Variants in EDIL3 observed in about 807,000 individuals in gnomAD.
EDIL3 encodes the protein EGF like and discoidin domains 3.
EDIL3 carries 37 observed loss-of-function variants against 67.4 expected under a neutral mutation model. The observed-to-expected ratio is 0.55, with a 90% confidence interval of 0.42 to 0.72. EDIL3 has a LOEUF of 0.72. Ranked by LOEUF, EDIL3 falls within the 30% of genes least tolerant of loss-of-function variation. The pLI is 0.00. For missense variants in EDIL3, 527 were observed against 586.3 expected (o/e 0.90, Z 1.04); for synonymous variants, 195 against 196.3 (o/e 0.99, Z 0.05).
chr5:84,101,694 A>T (rs1208399546), intron 6 of EDIL3, among the ~76,000 whole-genome samples: 1 of 152,038 alleles, frequency 6.6e-6, no homozygotes, highest in Non-Finnish European at 1.5e-5. Context: ...TACCAACCAA[A>T]AAGAGCCCAG....
chr5:84,366,280 A>G (rs932291988), intron 1 of EDIL3, among the ~76,000 whole-genome samples: 1 of 152,138 alleles, frequency 6.6e-6, no homozygotes, highest in Non-Finnish European at 1.5e-5. Flanking sequence ...CATCATCATC[A>G]TGATCATCAT....
intron 9 of EDIL3, among the ~76,000 whole-genome samples, chr5:84,059,203 T>C (rs1746499626): frequency 6.6e-6 from 1 of 151,646 alleles, no homozygotes; most frequent in East Asian, 1.9e-4. Flanking sequence ...GAGTTCGAGA[T>C]TGGCTTGAGC....
chr5:84,062,730 A>G (rs1580306944), intron 8 of EDIL3, among the ~76,000 whole-genome samples: 1 of 152,142 alleles, frequency 6.6e-6, no homozygotes, highest in African/African-American at 2.4e-5. Flanking sequence ...ACTGAATACA[A>G]TAAGGCTTTA....
chr5:84,171,564 A>G (rs989277980), intron 4 of EDIL3, among the ~76,000 whole-genome samples: 10 of 152,178 alleles, frequency 6.6e-5, no homozygotes, highest in African/African-American at 2.2e-4. Context: ...GATTCTTTTA[A>G]TCATTTTGGG....
At chr5:84,358,351 C>A (rs1038289412) in intron 1 of EDIL3, among the ~76,000 whole-genome samples, 1 of 152,152 alleles carries the variant, frequency 6.6e-6, no homozygotes, top group Admixed American at 6.5e-5. Flanking sequence ...TCAGGTAATT[C>A]AGCCTACACA....
intron 9 of EDIL3, among the ~76,000 whole-genome samples, chr5:83,970,092 T>C (rs1744764727): frequency 1.3e-5 from 2 of 151,714 alleles, no homozygotes; most frequent in Non-Finnish European, 3.0e-5. Flanking sequence ...TACTTTTTAC[T>C]TCTATGAGAT....
At chr5:84,132,458 G>A (rs856438) in intron 5 of EDIL3, among the ~76,000 whole-genome samples, 930 of 4,146 alleles carry the variant, frequency 0.22, 28 homozygotes, top group South Asian at 0.44. Context: ...CATATATTAT[G>A]TATTTTATAT....
chr5:83,982,090 C>G (rs1223184706), intron 9 of EDIL3, among the ~76,000 whole-genome samples: 3 of 151,244 alleles, frequency 2.0e-5, no homozygotes, highest in Non-Finnish European at 4.4e-5. Flanking sequence ...TAAGTTTTAC[C>G]AAAAAAAATC....
intron 9 of EDIL3, among the ~76,000 whole-genome samples, chr5:83,991,750 T>C (rs992016103): frequency 6.6e-6 from 1 of 152,192 alleles, no homozygotes; most frequent in African/African-American, 2.4e-5. Flanking sequence ...GACATATCCA[T>C]GGACTACATG....
chr5:84,207,353 C>G (rs1380604615), intron 3 of EDIL3, among the ~76,000 whole-genome samples: 1 of 152,078 alleles, frequency 6.6e-6, no homozygotes, highest in Admixed American at 6.6e-5. Flanking sequence ...CGTGAAGGAC[C>G]TCTTCAAGGA....
intron 9 of EDIL3, among the ~76,000 whole-genome samples, chr5:84,053,616 T>A (rs569634310): frequency 4.6e-5 from 7 of 152,150 alleles, no homozygotes; most frequent in Admixed American, 2.6e-4. Flanking sequence ...ATAAAAATGA[T>A]AAAGGGGATA....
chr5:83,989,454 G>C (rs536006755), intron 9 of EDIL3, among the ~76,000 whole-genome samples: 18 of 152,162 alleles, frequency 1.2e-4, no homozygotes, highest in Non-Finnish European at 2.2e-4. Flanking sequence ...TCGCTTTGCT[G>C]GTTCTGTCTC....
chr5:84,280,449 T>C (rs192184220), intron 1 of EDIL3, among the ~76,000 whole-genome samples: 275 of 152,318 alleles, frequency 1.8e-3, no homozygotes, highest in Non-Finnish European at 3.3e-3. Flanking sequence ...AGTATTCTTA[T>C]GGCTATTAAG....
intron 9 of EDIL3, among the ~76,000 whole-genome samples, chr5:84,045,981 C>G (rs2301084): frequency 0.12 from 17,976 of 152,184 alleles, 1,666 homozygotes; most frequent in African/African-American, 0.25. Context: ...AGCAATTGAG[C>G]CAGGTGAGCT....
At chr5:84,154,693 CTT>C (rs397881707) in intron 4 of EDIL3, among the ~76,000 whole-genome samples, 8 of 92,292 alleles carry the variant, frequency 8.7e-5, no homozygotes, top group Non-Finnish European at 6.0e-5. Flanking sequence ...TCTGCTTCTG[CTT>C]TTTTTTTTTT....
At chr5:84,129,044 C>G (rs1375117296) in intron 5 of EDIL3, among the ~76,000 whole-genome samples, 1 of 152,108 alleles carries the variant, frequency 6.6e-6, no homozygotes, top group Admixed American at 6.6e-5. Context: ...ACTTGTTTGT[C>G]TTTCCTTTAC....
chr5:84,117,999 T>A (rs1158932119), intron 5 of EDIL3, among the ~76,000 whole-genome samples: 3 of 151,516 alleles, frequency 2.0e-5, no homozygotes, highest in Non-Finnish European at 4.4e-5. Flanking sequence ...CAAAAAACAG[T>A]AAATGGATAT....
At chr5:84,348,394 A>C (rs1747276803) in intron 1 of EDIL3, among the ~76,000 whole-genome samples, 1 of 152,152 alleles carries the variant, frequency 6.6e-6, no homozygotes, top group African/African-American at 2.4e-5. Flanking sequence ...CAGGTGGTGC[A>C]CTAACAGAGG....
At chr5:84,318,954 T>G (rs957526186) in intron 1 of EDIL3, among the ~76,000 whole-genome samples, 2 of 151,830 alleles carry the variant, frequency 1.3e-5, no homozygotes, top group African/African-American at 2.4e-5. Flanking sequence ...TTAAAAAAAT[T>G]TACAAGAAGA....
Sources: gnomAD v4.1 joint callset for allele counts (sites outside exome capture counted in the v4.1 genomes callset) on GRCh38, gnomAD v4.1.1 for gene constraint, MANE v1.5 for transcripts, NCBI Gene and HGNC (gene_info 2026-07-23, HGNC 2026-07-21) for gene names.